TPH2: variants seen among roughly 807,000 people sequenced by gnomAD.
TPH2 encodes the protein tryptophan hydroxylase 2.
In TPH2, 27 loss-of-function variants were observed where a neutral mutation model predicts 59.1. That is an observed-to-expected ratio of 0.46 (90% confidence interval 0.34 to 0.63). The LOEUF (loss-of-function observed/expected upper bound fraction) is 0.63, where lower values mean the gene tolerates loss of function less well. TPH2 is among the 30% of genes least tolerant of loss of function. The probability of loss-of-function intolerance (pLI) is 0.01; values close to 1 mark genes in which losing one functional copy is unlikely to be tolerated. For missense variants in TPH2, 523 were observed against 588.3 expected, an observed-to-expected ratio of 0.89 and a Z score of 1.15; for synonymous variants, 220 against 210.5, an observed-to-expected ratio of 1.05 and a Z score of -0.39.
intron 8 of TPH2, among the ~76,000 whole-genome samples, chr12:72,001,126 A>C (rs1450852684): frequency 6.6e-6 from 1 of 152,230 alleles, no homozygotes; most frequent in Non-Finnish European, 1.5e-5. Context: ...CCAAAGCAGA[A>C]TAAATCGGCC....
chr12:71,986,424 C>T (rs1448827962), intron 7 of TPH2, among the ~76,000 whole-genome samples: 2 of 152,082 alleles, frequency 1.3e-5, no homozygotes, highest in Non-Finnish European at 2.9e-5. Flanking sequence ...AAAATAACCC[C>T]TGAGATTTCT....
chr12:72,006,910 A>G (rs1352452784), intron 8 of TPH2, among the ~76,000 whole-genome samples: 2 of 152,108 alleles, frequency 1.3e-5, no homozygotes, highest in Non-Finnish European at 2.9e-5. Context: ...GCACAGTGCT[A>G]AGCGTTCAAA....
At chr12:71,975,374 C>G (rs1872087511) in intron 6 of TPH2, among the ~76,000 whole-genome samples, 1 of 152,026 alleles carries the variant, frequency 6.6e-6, no homozygotes, top group South Asian at 2.1e-4. Flanking sequence ...ACAAACAAAA[C>G]TATTCTCACT....
chr12:72,025,806 A>G (rs1409767064), intron 9 of TPH2, among the ~76,000 whole-genome samples: 1 of 152,208 alleles, frequency 6.6e-6, no homozygotes, highest in Admixed American at 6.5e-5. Flanking sequence ...TGCCTTACCC[A>G]CAGTCTAGCT....
At chr12:72,027,179 T>C (rs1873594058) in intron 9 of TPH2, among the ~76,000 whole-genome samples, 1 of 152,148 alleles carries the variant, frequency 6.6e-6, no homozygotes, top group Non-Finnish European at 1.5e-5. Context: ...GAAGGAAGAT[T>C]TTAAACTGAT....
intron 7 of TPH2, among the ~76,000 whole-genome samples, chr12:71,990,194 C>G (rs1592401022): frequency 1.3e-5 from 2 of 152,252 alleles, no homozygotes; most frequent in African/African-American, 4.8e-5. Flanking sequence ...TTGGAGAGAT[C>G]TGGTGAGATA....
In TPH2 at chr12:71,976,687, C is replaced by T. The variant is rs142523646; in HGVS notation, c.806-2265C>T. 4.6e-5 allele frequency among the ~76,000 whole-genome samples: 7 copies of T among 152,194 alleles called. No homozygotes were observed. The East Asian group carries it at 5.8e-4, about 13-fold the overall frequency. On this transcript the variant is annotated intron_variant, in intron 6 of 10. Coordinates refer to ENST00000333850, the MANE Select transcript of TPH2 (RefSeq NM_173353.4). ...CTTTTGGAATGAACATAGTGCTGTG[C>T]GAATTATGGGTCTGAGGAGGCCTGA...
chr12:71,939,199 T>A, intron 1 of TPH2, 108 bp downstream of exon 1: 1 of 820,462 alleles, frequency 1.2e-6, no homozygotes, highest in South Asian at 1.4e-5. Context: ...ACCTCAAATT[T>A]CTCCTTCTTT....
intron 9 of TPH2, among the ~76,000 whole-genome samples, chr12:72,024,478 G>T (rs1873514444): frequency 6.6e-6 from 1 of 152,200 alleles, no homozygotes; most frequent in Non-Finnish European, 1.5e-5. Flanking sequence ...AATCTATTTG[G>T]TGTTAATCTT....
intron 1 of TPH2, among the ~76,000 whole-genome samples, chr12:71,940,577 A>G (rs1012626018): frequency 6.6e-6 from 1 of 152,176 alleles, no homozygotes; most frequent in African/African-American, 2.4e-5. Flanking sequence ...TGTCTGCCCA[A>G]TGCTGTATTT....
intron 5 of TPH2, among the ~76,000 whole-genome samples, chr12:71,959,432 C>A (rs1367648420): frequency 6.6e-6 from 1 of 152,234 alleles, no homozygotes; most frequent in Non-Finnish European, 1.5e-5. Flanking sequence ...GGCTTCTCCA[C>A]TTGCAGGTAG....
At chr12:71,944,889 A>G (rs1357613432) in intron 4 of TPH2, among the ~76,000 whole-genome samples, 2 of 152,194 alleles carry the variant, frequency 1.3e-5, no homozygotes, top group Non-Finnish European at 2.9e-5. Flanking sequence ...GTATTTTCAC[A>G]TAGCATTTAT....
chr12:72,002,127 A>G (rs1474471213), intron 8 of TPH2, among the ~76,000 whole-genome samples: 1 of 152,238 alleles, frequency 6.6e-6, no homozygotes. Flanking sequence ...TTAATCATGC[A>G]TGTCACATAC....
chr12:72,028,600 T>A (rs968979869), intron 9 of TPH2, among the ~76,000 whole-genome samples: 7 of 152,116 alleles, frequency 4.6e-5, no homozygotes, highest in African/African-American at 1.7e-4. Flanking sequence ...CATTACTTCA[T>A]TTGTTGGCTT....
chr12:72,022,554 T>C, intron 9 of TPH2, 60 bp downstream of exon 9: 8 of 1,240,392 alleles, frequency 6.4e-6, no homozygotes, highest in Non-Finnish European at 9.5e-6. Flanking sequence ...TCAGGGAAAA[T>C]ATTGATTTGT....
At position 72,031,766 on chromosome 12, in the gene TPH2, C is replaced by A. The variant is rs79136074; in HGVS notation, c.*71C>A. On this transcript the variant is annotated 3_prime_UTR_variant, in exon 11 of 11. Coordinates refer to ENST00000333850, the MANE Select transcript of TPH2 (RefSeq NM_173353.4). ...CAGCAGTTCAGTCAATGTCATATAA[C>A]GCAAATAACCTTCTGTGTCATGGCT... The A allele has an allele frequency of 2.6e-6, 4 of 1,561,358 alleles. No homozygotes were observed. The highest frequency in any genetic ancestry group is 2.6e-6 in the Non-Finnish European group (3 of 1,134,084).
intron 9 of TPH2, among the ~76,000 whole-genome samples, chr12:72,025,523 A>G (rs1205316540): frequency 6.6e-6 from 1 of 152,200 alleles, no homozygotes; most frequent in African/African-American, 2.4e-5. Flanking sequence ...TTTTGACAAT[A>G]CTAATTCTTT....
intron 7 of TPH2, among the ~76,000 whole-genome samples, chr12:71,979,661 C>T (rs989194221): frequency 2.2e-4 from 33 of 152,154 alleles, no homozygotes; most frequent in Admixed American, 7.9e-4. Context: ...TCCATTCTCT[C>T]CTGGACAATG....
In TPH2 at chr12:71,964,716, C is replaced by A. The variant is rs557234998; in HGVS notation, c.609-7803C>A. On this transcript the variant is annotated intron_variant, in intron 5 of 10. Transcript: ENST00000333850. ...AAATTTCTACACACCTGGTGTGACACCTCAGTTGTGAGACATGCAACAAAT... is the reference window on the plus strand; with the variant it reads ...AAATTTCTACACACCTGGTGTGACAACTCAGTTGTGAGACATGCAACAAAT... 10 of 985,318 alleles carry A rather than the reference C, an allele frequency of 1.0e-5. 1 individual carries two copies. The African/African-American group carries it at 1.6e-4, about 15-fold the overall frequency. 61.0% of individuals were successfully genotyped at this position (985,318 alleles called of 1,614,324 possible). A position where few individuals can be genotyped will look rare whatever the true frequency, so the allele number is the denominator to read the frequency against.
Sources: allele counts gnomAD v4.1 joint callset (sites outside exome capture counted in the v4.1 genomes callset), GRCh38; gene constraint gnomAD v4.1.1; transcripts MANE v1.5; gene names NCBI Gene and HGNC (gene_info 2026-07-23, HGNC 2026-07-21).